The following PLCB4 variants were observed in gnomAD, a reference collection of about 807,000 sequenced individuals.
The protein encoded by PLCB4 is 1-phosphatidylinositol 4,5-bisphosphate phosphodiesterase beta-4.
A neutral mutation model predicts 178.8 loss-of-function variants in PLCB4; 77 were observed. The ratio of observed to expected loss-of-function variants is 0.43; its 90% CI spans 0.36 to 0.52. The LOEUF is 0.52. Among genes scored for constraint, PLCB4 ranks in the 20% least tolerant of loss-of-function variants. The pLI, the probability that PLCB4 is intolerant of heterozygous loss-of-function variation, is 0.00. For missense variants in PLCB4, 1,024 were observed against 1,453.4 expected, an observed-to-expected ratio of 0.70 and a Z score of 4.80; for synonymous variants, 496 against 490.8, an observed-to-expected ratio of 1.01 and a Z score of -0.14.
Position 9,157,606 on chromosome 20 carries a change from T to C in PLCB4, c.-78-59784T>C, listed in dbSNP as rs1265033549. Among the ~76,000 whole-genome samples the C allele has an allele frequency of 2.6e-5, 4 of 152,300 alleles. No individual in the cohort carries two copies. In the East Asian group the frequency reaches 7.7e-4, roughly 29 times the overall value. Reference sequence around the variant, plus strand: ...GGGTTTATGAGACTCCTCAATTGTTTGACATTTCATTTAAAAAATAAAACA... The same window carrying C: ...GGGTTTATGAGACTCCTCAATTGTTCGACATTTCATTTAAAAAATAAAACA... On this transcript the variant is annotated intron_variant, in intron 2 of 39. Transcript: ENST00000378473.
intron 3 of PLCB4, among the ~76,000 whole-genome samples, chr20:9,275,552 C>A (rs937270818): frequency 6.6e-6 from 1 of 152,018 alleles, no homozygotes; most frequent in African/African-American, 2.4e-5. Context: ...TTGTTCTGTG[C>A]CATTCCTAGG....
chr20:9,323,047 C>T (rs921006214), intron 4 of PLCB4, among the ~76,000 whole-genome samples: 3 of 152,168 alleles, frequency 2.0e-5, no homozygotes, highest in Admixed American at 6.5e-5. Flanking sequence ...TGGTTTAAAC[C>T]TTTAATGGGT....
At chr20:9,332,739 A>G (rs1323222543) in intron 4 of PLCB4, among the ~76,000 whole-genome samples, 2 of 152,134 alleles carry the variant, frequency 1.3e-5, no homozygotes, top group Non-Finnish European at 2.9e-5. Flanking sequence ...CCAAGTTGCT[A>G]TCCTGCTATA....
intron 9 of PLCB4, among the ~76,000 whole-genome samples, chr20:9,367,239 C>A (rs2035863402): frequency 6.6e-6 from 1 of 152,134 alleles, no homozygotes; most frequent in East Asian, 1.9e-4. Context: ...AAATGTAAAG[C>A]ACAGAAGTCA....
At chr20:9,175,262 G>T (rs1163270733) in intron 2 of PLCB4, among the ~76,000 whole-genome samples, 1 of 152,026 alleles carries the variant, frequency 6.6e-6, no homozygotes, top group East Asian at 1.9e-4. Flanking sequence ...TCAGTGTTTT[G>T]TATTGTCACA....
Position 9,309,233 on chromosome 20 carries a change from T to C in PLCB4, c.84+1335T>C, listed in dbSNP as rs368518857. ...CCAACATACAGCGTATGTTCAACTA[T>C]AGCAAACCACTTACAGTTTCCCCCA... is the stretch of plus-strand genomic sequence containing the variant. On this transcript the variant is annotated intron_variant, in intron 4 of 39. Coordinates refer to ENST00000378473, the MANE Select transcript of PLCB4 (RefSeq NM_001377142.1). 9.5e-4 allele frequency among the ~76,000 whole-genome samples: 144 copies of C among 152,304 alleles called. 1 individual carries two copies. The highest frequency in any genetic ancestry group is 3.3e-3 in the African/African-American group (136 of 41,566).
At chr20:9,119,706 G>A (rs2091896572) in intron 2 of PLCB4, among the ~76,000 whole-genome samples, 1 of 152,186 alleles carries the variant, frequency 6.6e-6, no homozygotes, top group South Asian at 2.1e-4. Context: ...CAAGGTTAAT[G>A]ACTGCATAAT....
intron 3 of PLCB4, among the ~76,000 whole-genome samples, chr20:9,262,245 TATA>T (rs1318101879): frequency 6.6e-6 from 1 of 152,140 alleles, no homozygotes; most frequent in African/African-American, 2.4e-5. Context: ...TCACAAGGAC[TATA>T]ATAAGAAAGA....
At chr20:9,339,147 A>G in intron 7 of PLCB4, 110 bp downstream of exon 7, 1 of 828,526 alleles carries the variant, frequency 1.2e-6, no homozygotes, top group Non-Finnish European at 1.9e-6. Context: ...GTAATTTAAA[A>G]GTTAGCATTG....
At chr20:9,478,233 C>T (rs1223672410) in intron 39 of PLCB4, among the ~76,000 whole-genome samples, 1 of 146,216 alleles carries the variant, frequency 6.8e-6, no homozygotes, top group African/African-American at 2.4e-5. Flanking sequence ...TTCTTAGTGA[C>T]AATCTGAACT....
At chr20:9,100,837 G>A (rs1029530101) in intron 2 of PLCB4, among the ~76,000 whole-genome samples, 4 of 152,098 alleles carry the variant, frequency 2.6e-5, no homozygotes, top group African/African-American at 7.2e-5. Context: ...CCTCCTGTGC[G>A]CTGATTCCCA....
intron 3 of PLCB4, among the ~76,000 whole-genome samples, chr20:9,287,101 A>T (rs540451783): frequency 3.0e-4 from 46 of 152,012 alleles, no homozygotes; most frequent in Non-Finnish European, 5.2e-4. Context: ...ATTTTATTTT[A>T]AAAAAAATCA....
At chr20:9,403,755 A>G (rs1405070806) in intron 20 of PLCB4, among the ~76,000 whole-genome samples, 1 of 152,248 alleles carries the variant, frequency 6.6e-6, no homozygotes, top group East Asian at 1.9e-4. Context: ...GTCTGTTTAC[A>G]CACCCATTCA....
At chr20:9,096,507 G>A (rs2090915979) in intron 2 of PLCB4, among the ~76,000 whole-genome samples, 165 bp downstream of exon 2, 1 of 152,114 alleles carries the variant, frequency 6.6e-6, no homozygotes, top group Non-Finnish European at 1.5e-5. Flanking sequence ...ATTTAACTTT[G>A]CCAGTCTTTT....
At chr20:9,451,775 C>A (rs1287804921) in intron 32 of PLCB4, among the ~76,000 whole-genome samples, 1 of 152,120 alleles carries the variant, frequency 6.6e-6, no homozygotes, top group Non-Finnish European at 1.5e-5. Context: ...ACATTTGATA[C>A]ATTAGATTCA....
chr20:9,402,020 T>G (rs1054724540), intron 20 of PLCB4, among the ~76,000 whole-genome samples: 1 of 152,218 alleles, frequency 6.6e-6, no homozygotes, highest in African/African-American at 2.4e-5. Context: ...TAAAAATGTT[T>G]CCAGATATTC....
chr20:9,443,063 C>G (rs1472168450), intron 30 of PLCB4, among the ~76,000 whole-genome samples: 3 of 152,128 alleles, frequency 2.0e-5, no homozygotes, highest in Admixed American at 6.5e-5. Context: ...CTGGCTACAA[C>G]TGTTGTTGCC....
chr20:9,161,477 G>T (rs983198234), intron 2 of PLCB4, among the ~76,000 whole-genome samples: 2 of 152,194 alleles, frequency 1.3e-5, no homozygotes, highest in East Asian at 1.9e-4. Flanking sequence ...AGTGCAATCC[G>T]CTGCTCTTAC....
Position 9,408,704 on chromosome 20 carries a change from A to T in PLCB4, c.1861A>T (p.Ile621Phe). ...TCTTGGCTACTTGAAGACACATGCA[A>T]TTGAATTTGTCAAGTATCCTTATGT... ...VGLGYLKTHA[I>F]EFVNYNKRQM... The change falls in exon 23 of 40, where the codon ATT (isoleucine) becomes TTT (phenylalanine). Residue 621 changes from isoleucine to phenylalanine, a missense_variant. By Grantham distance (21) the Ile-to-Phe change is conservative (BLOSUM62 0). This residue lies in a region of PLCB4 where 263 missense variants were observed against 417.4 expected (regional missense o/e 0.63). Transcript: ENST00000378473. 6.4e-7 allele frequency: 1 copy of T among 1,559,884 alleles called. No individual in the cohort carries two copies. Among genetic ancestry groups the T allele is most frequent in the Non-Finnish European group, 8.8e-7 (1 of 1,130,902 alleles).
Sources: allele counts gnomAD v4.1 joint callset (sites outside exome capture counted in the v4.1 genomes callset), GRCh38; gene constraint gnomAD v4.1.1; regional missense constraint gnomAD v4.1.1; transcripts MANE v1.5; gene names NCBI Gene and HGNC (gene_info 2026-07-23, HGNC 2026-07-21).